AMBRA1: variants seen among roughly 807,000 people sequenced by gnomAD.
AMBRA1 encodes activating molecule in BECN1-regulated autophagy protein 1.
A neutral mutation model predicts 125.4 loss-of-function variants in AMBRA1; 47 were observed. The ratio of observed to expected loss-of-function variants is 0.37; its 90% confidence interval spans 0.30 to 0.48. The LOEUF (loss-of-function observed/expected upper bound fraction) is 0.48, where lower values mean the gene tolerates loss of function less well. AMBRA1 is among the 20% of genes least tolerant of loss of function. The pLI, the probability that AMBRA1 is intolerant of heterozygous loss-of-function variation, is 0.99. For synonymous variants in AMBRA1, 626 were observed against 655.5 expected, an observed-to-expected ratio of 0.95 and a Z score of 0.69; for missense variants, 1,331 against 1,693.4, an observed-to-expected ratio of 0.79 and a Z score of 3.76.
At chr11:46,477,831 T>C (rs1949883598) in intron 11 of AMBRA1, among the ~76,000 whole-genome samples, 1 of 152,018 alleles carries the variant, frequency 6.6e-6, no homozygotes, top group East Asian at 1.9e-4. Context: ...ATCCCAGCAC[T>C]TTGGGAGGCT....
intron 15 of AMBRA1, among the ~76,000 whole-genome samples, chr11:46,413,501 T>A (rs1044026287): frequency 1.3e-5 from 2 of 152,154 alleles, no homozygotes; most frequent in African/African-American, 4.8e-5. Context: ...TTTCTCTATT[T>A]TTTTCTGAGA....
At chr11:46,489,920 C>T (rs948506940) in intron 11 of AMBRA1, among the ~76,000 whole-genome samples, 2 of 152,166 alleles carry the variant, frequency 1.3e-5, no homozygotes, top group Admixed American at 6.5e-5. Context: ...CAGGAAGACC[C>T]GGTTTAAAAT....
At chr11:46,508,080 T>C (rs979360723) in intron 9 of AMBRA1, 111 bp downstream of exon 9, 9 of 1,131,616 alleles carry the variant, frequency 8.0e-6, no homozygotes, top group Admixed American at 4.3e-5. Context: ...TAAATAATAA[T>C]TGAGGAGTTG....
intron 14 of AMBRA1, among the ~76,000 whole-genome samples, chr11:46,424,813 G>A (rs1490561775): frequency 1.3e-5 from 2 of 151,856 alleles, no homozygotes; most frequent in Admixed American, 6.6e-5. Flanking sequence ...GTACTCCACC[G>A]TGGGTGAGAT....
intron 16 of AMBRA1, among the ~76,000 whole-genome samples, chr11:46,409,618 C>G (rs1946191469): frequency 6.6e-6 from 1 of 152,222 alleles, no homozygotes; most frequent in African/African-American, 2.4e-5. Context: ...ATGCTAGCAT[C>G]CCCCTTCCTT....
At chr11:46,558,896 T>C (rs915330729) in intron 1 of AMBRA1, among the ~76,000 whole-genome samples, 1 of 152,130 alleles carries the variant, frequency 6.6e-6, no homozygotes, top group Admixed American at 6.5e-5. Context: ...TGTGAAAAGA[T>C]CCCAAATGAA....
chr11:46,498,327 C>T (rs1950712545), intron 9 of AMBRA1, among the ~76,000 whole-genome samples: 1 of 152,106 alleles, frequency 6.6e-6, no homozygotes, highest in Admixed American at 6.5e-5. Context: ...AGGGAAACAC[C>T]AGAGAAACCC....
At chr11:46,423,917 C>T (rs1007005350) in intron 14 of AMBRA1, among the ~76,000 whole-genome samples, 3 of 152,000 alleles carry the variant, frequency 2.0e-5, no homozygotes, top group African/African-American at 7.3e-5. Context: ...GCATGGGCCA[C>T]CACGCCTGGT....
chr11:46,482,946 T>C (rs1033927553), intron 11 of AMBRA1, among the ~76,000 whole-genome samples: 5 of 150,698 alleles, frequency 3.3e-5, no homozygotes, highest in African/African-American at 1.2e-4. Flanking sequence ...GAGGCGGAGG[T>C]TGCAGTGAGC....
intron 1 of AMBRA1, among the ~76,000 whole-genome samples, chr11:46,552,631 G>A (rs866515658): frequency 2.0e-5 from 3 of 149,240 alleles, no homozygotes; most frequent in Non-Finnish European, 4.4e-5. Context: ...GTTGCAGTGA[G>A]CCGTGCCATT....
At chr11:46,434,082 T>C (rs773548640) in intron 13 of AMBRA1, among the ~76,000 whole-genome samples, 126 of 126,658 alleles carry the variant, frequency 9.9e-4, no homozygotes, top group Non-Finnish European at 1.7e-3. Context: ...GCCATTACAT[T>C]CCAGCCTGGC....
Position 46,543,184 on chromosome 11 carries a change from G to A in AMBRA1, c.833C>T (p.Ser278Phe). Residue 278 changes from serine (S) to phenylalanine (F), a missense_variant, in exon 7 of 18, where the codon TCC becomes TTC. Ser to Phe is a radical substitution (Grantham distance 155). Transcript: ENST00000683756. ...PSPPPPPPQPSTERPRTSAYI... is the reference protein window; with the variant it reads ...PSPPPPPPQPFTERPRTSAYI... ...AGCGGAAGTCCTGGGGCGCTCCGTG[G>A]AGGGCTGAGGGGGAGGCGGTGGGGG... 6.3e-7 allele frequency: 1 copy of A among 1,577,682 alleles called. No individual in the cohort carries two copies. Among genetic ancestry groups the A allele is most frequent in the East Asian group, 2.3e-5 (1 of 43,000 alleles).
Position 46,548,332 on chromosome 11 carries a change from C to T in AMBRA1, c.49G>A (p.Glu17Lys), listed in dbSNP as rs2042889984. The T allele has an allele frequency of 6.2e-7, 1 of 1,614,010 alleles. No individual in the cohort carries two copies. Among genetic ancestry groups the T allele is most frequent in the Non-Finnish European group, 8.5e-7 (1 of 1,180,048 alleles). ...GCTCCCATGGCCCGAGCACCCCGTTCTCGCCCCCAGAGTATCCGGACAGCA... is the reference window on the plus strand; with the variant it reads ...GCTCCCATGGCCCGAGCACCCCGTTTTCGCCCCCAGAGTATCCGGACAGCA... The part of the protein sequence containing the change: ...KNAVRILWGR[E>K]RGARAMGAQR... The change falls in exon 2 of 18, where the codon GAA becomes AAA. Residue 17 changes from glutamate to lysine, a missense_variant. Coordinates refer to ENST00000683756, the MANE Select transcript of AMBRA1 (RefSeq NM_001387011.1).
intron 15 of AMBRA1, among the ~76,000 whole-genome samples, chr11:46,412,547 C>T (rs1375718322): frequency 6.6e-6 from 1 of 152,194 alleles, no homozygotes; most frequent in Non-Finnish European, 1.5e-5. Flanking sequence ...ACCTCAGCCT[C>T]CCAAAGTACT....
chr11:46,541,839 C>A, intron 7 of AMBRA1, 106 bp downstream of exon 7: 1 of 1,436,614 alleles, frequency 7.0e-7, no homozygotes, highest in South Asian at 1.3e-5. Flanking sequence ...GAAGCAGATG[C>A]GTGGGTCCCA....
chr11:46,537,806 A>G (rs1952550581), intron 7 of AMBRA1, among the ~76,000 whole-genome samples: 1 of 152,218 alleles, frequency 6.6e-6, no homozygotes, highest in Non-Finnish European at 1.5e-5. Context: ...AAGGATCCAG[A>G]CATCTCTCCT....
rs866786389 is a variant in AMBRA1 at position 46,584,371 on chromosome 11, T to G, written c.-121+9457A>C. Among the ~76,000 whole-genome samples, 272 of 86,816 alleles carry G rather than the reference T, an allele frequency of 3.1e-3. 1 individual carries two copies. Among genetic ancestry groups the G allele is most frequent in the Non-Finnish European group, 4.7e-3 (225 of 47,506 alleles). The allele number at this position is 86,816 out of a possible 152,430, so 57.0% of individuals were successfully genotyped here. On this transcript the variant is annotated intron_variant, in intron 1 of 17. Coordinates refer to ENST00000683756, the MANE Select transcript of AMBRA1 (RefSeq NM_001387011.1). ...GGGAACATCACACTCTGGGGACTGT[T>G]GTGGGGTGGGGGGAGGGGGGAGGGA...
chr11:46,400,625 G>A (rs995500471), intron 17 of AMBRA1, among the ~76,000 whole-genome samples: 4 of 151,500 alleles, frequency 2.6e-5, no homozygotes, highest in African/African-American at 9.7e-5. Flanking sequence ...TGAGTAGTAG[G>A]GAGTACAGGC....
At chr11:46,509,816 C>A (rs1309195391) in intron 8 of AMBRA1, among the ~76,000 whole-genome samples, 1 of 151,872 alleles carries the variant, frequency 6.6e-6, no homozygotes, top group Admixed American at 6.6e-5. Context: ...TATATACTTC[C>A]ATAATGTTTG....
Sources: allele counts gnomAD v4.1 joint callset (sites outside exome capture counted in the v4.1 genomes callset), GRCh38; gene constraint gnomAD v4.1.1; transcripts MANE v1.5; gene names NCBI Gene and HGNC (gene_info 2026-07-23, HGNC 2026-07-21).